Variants in ZNF638 observed in about 807,000 individuals in gnomAD.
ZNF638 encodes zinc finger protein 638.
In ZNF638, 46 loss-of-function variants were observed where a neutral mutation model predicts 195.6. The observed-to-expected ratio is 0.24, with a 90% confidence interval of 0.19 to 0.30. The LOEUF is 0.30. Among genes scored for constraint, ZNF638 ranks in the 10% least tolerant of loss-of-function variants. ZNF638 has a pLI of 1.00. For synonymous variants in ZNF638, 845 were observed against 772.0 expected (o/e 1.09, Z -1.57); for missense variants, 2,440 against 2,325.3 (o/e 1.05, Z -1.01).
At chr2:71,356,986 T>A (rs1177281829) in intron 3 of ZNF638, among the ~76,000 whole-genome samples, 3 of 152,140 alleles carry the variant, frequency 2.0e-5, no homozygotes, top group African/African-American at 7.2e-5. Context: ...TTCTTTCACA[T>A]AGCAAAATGG....
intron 1 of ZNF638, among the ~76,000 whole-genome samples, chr2:71,339,269 C>T (rs185713388): frequency 1.3e-5 from 2 of 151,972 alleles, no homozygotes; most frequent in Non-Finnish European, 2.9e-5. Context: ...TCTCCTGCCT[C>T]AGCCTCCTGA....
At chr2:71,428,421 T>C (rs1232392041) in intron 24 of ZNF638, 126 bp from the exon 25 acceptor site, 23 of 623,466 alleles carry the variant, frequency 3.7e-5, no homozygotes, top group Non-Finnish European at 5.3e-5. Flanking sequence ...AGCAGTAGGC[T>C]TCCCTCCCAA....
chr2:71,423,236 A>G lies in ZNF638; in HGVS notation c.3722A>G (p.Glu1241Gly), dbSNP rs1019623405. Residue 1241 changes from glutamate (E) to glycine (G), a missense_variant, in exon 22 of 28, where the codon GAA (glutamate) becomes GGA (glycine). Around this residue, in one of 5 missense-constraint regions of ZNF638, gnomAD observed 1,883 missense variants for 1,739.1 expected, o/e 1.08. Coordinates refer to ENST00000264447, the MANE Select transcript of ZNF638 (RefSeq NM_014497.5). ...AEERNLKGILEESPSEAEDFI... is the reference protein window; with the variant it reads ...AEERNLKGILGESPSEAEDFI... ...GAAAGGAACCTCAAAGGAATTCTAG[A>G]AGAATCTCCATCTGAAGCAGAAGAT... 1.9e-6 allele frequency: 3 copies of G among 1,614,162 alleles called. No homozygotes were observed. The highest frequency in any genetic ancestry group is 2.5e-6 in the Non-Finnish European group (3 of 1,180,004).
chr2:71,432,712 C>T (rs2080691285), intron 26 of ZNF638, among the ~76,000 whole-genome samples: 1 of 152,322 alleles, frequency 6.6e-6, no homozygotes, highest in East Asian at 1.9e-4. Flanking sequence ...ATTAAAATTA[C>T]TACTATTGAT....
intron 1 of ZNF638, among the ~76,000 whole-genome samples, chr2:71,334,295 CT>C (rs2078625401): frequency 6.6e-6 from 1 of 152,136 alleles, no homozygotes; most frequent in South Asian, 2.1e-4. Flanking sequence ...AATAAAATGC[CT>C]TATATACTTA....
At chr2:71,363,906 T>C (rs765191635) in intron 4 of ZNF638, 48 bp from the exon 5 acceptor site, 1 of 1,552,968 alleles carries the variant, frequency 6.4e-7, no homozygotes, top group Admixed American at 2.0e-5. Flanking sequence ...ATCATTTAAA[T>C]TTACATTAAA....
At chr2:71,386,270 T>G in intron 10 of ZNF638, among the ~76,000 whole-genome samples, 1 of 125,198 alleles carries the variant, frequency 8.0e-6, no homozygotes, top group South Asian at 2.5e-4. Context: ...CCCCAGCCTA[T>G]GCAACAGAGT....
At chr2:71,388,332 C>T (rs2079688557) in intron 10 of ZNF638, 2 of 493,634 alleles carry the variant, frequency 4.1e-6, no homozygotes, top group Non-Finnish European at 7.5e-6. Context: ...GATCATCCGA[C>T]CTTTGATCAT....
chr2:71,389,155 A>G (rs1180955165), intron 10 of ZNF638, among the ~76,000 whole-genome samples: 1 of 152,100 alleles, frequency 6.6e-6, no homozygotes, highest in East Asian at 1.9e-4. Context: ...TTACTGGGTA[A>G]AGATACCAAA....
At chr2:71,431,555 T>C (rs1573182105) in intron 26 of ZNF638, 127 bp downstream of exon 26, 1 of 705,774 alleles carries the variant, frequency 1.4e-6, no homozygotes, top group Non-Finnish European at 2.4e-6. Context: ...GTCAGGAGAT[T>C]GAGACCATCC....
chr2:71,365,929 G>A (rs2079190615), intron 6 of ZNF638, among the ~76,000 whole-genome samples: 1 of 152,124 alleles, frequency 6.6e-6, no homozygotes, highest in African/African-American at 2.4e-5. Context: ...ATGTTGCTCA[G>A]GCTGGTCTCG....
intron 2 of ZNF638, among the ~76,000 whole-genome samples, chr2:71,355,291 T>G (rs1164277873): frequency 6.6e-6 from 1 of 152,184 alleles, no homozygotes; most frequent in Admixed American, 6.5e-5. Flanking sequence ...AGCGTGAATT[T>G]TAGAGGTATT....
chr2:71,365,402 G>A lies in ZNF638; in HGVS notation c.1718-27G>A, dbSNP rs1005238661. The stretch of plus-strand genomic sequence containing the variant: ...CTCCTACCTTAATTTTTTTCCAATT[G>A]AAATTATATTTATATCTTTTTACTA... On this transcript the variant is annotated intron_variant, in intron 5 of 27. Transcript: ENST00000264447. 4 of 1,519,796 alleles carry A rather than the reference G, an allele frequency of 2.6e-6. No individual in the cohort carries two copies. The African/African-American group carries it at 4.3e-5, about 16-fold the overall frequency. 94.1% of individuals were successfully genotyped at this position (1,519,796 alleles called of 1,614,324 possible).
At chr2:71,331,969 A>T (rs1007315396) in intron 1 of ZNF638, 94 bp downstream of exon 1, 101 of 970,202 alleles carry the variant, frequency 1.0e-4, no homozygotes, top group Non-Finnish European at 1.2e-4. Context: ...CGGGCCGACT[A>T]TTGTATCTGT....
At chr2:71,383,274 C>T (rs1210595103) in intron 10 of ZNF638, among the ~76,000 whole-genome samples, 1 of 152,094 alleles carries the variant, frequency 6.6e-6, no homozygotes, top group East Asian at 1.9e-4. Flanking sequence ...AAGATCGTGC[C>T]ACTGCACTCC....
In ZNF638 at chr2:71,349,668, C is replaced by G; in HGVS notation, c.714C>G (p.Val238=). The part of the protein sequence containing the change: ...IYDPEIPTDE[V]ENEFQSQQNI... ...ATCCTGAAATTCCAACTGATGAGGTCGAGAATGAATTTCAGTCACAGCAGA... is the reference window on the plus strand; with the variant it reads ...ATCCTGAAATTCCAACTGATGAGGTGGAGAATGAATTTCAGTCACAGCAGA... The change falls in exon 2 of 28, where the codon GTC becomes GTG. Residue 238 remains valine, a synonymous_variant. Coordinates refer to ENST00000264447, the MANE Select transcript of ZNF638 (RefSeq NM_014497.5). 7.4e-6 allele frequency: 12 copies of G among 1,614,114 alleles called. No individual in the cohort carries two copies. The highest frequency in any genetic ancestry group is 1.0e-5 in the Non-Finnish European group (12 of 1,180,018).
intron 17 of ZNF638, among the ~76,000 whole-genome samples, chr2:71,404,377 C>T (rs1363166682): frequency 1.3e-5 from 2 of 151,916 alleles, no homozygotes; most frequent in African/African-American, 4.8e-5. Flanking sequence ...GAGCTTGTTC[C>T]CTCTTCCTCA....
At chr2:71,352,226 C>T (rs887826195) in intron 2 of ZNF638, among the ~76,000 whole-genome samples, 3 of 151,962 alleles carry the variant, frequency 2.0e-5, no homozygotes, top group Non-Finnish European at 2.9e-5. Flanking sequence ...GCCTGTAATC[C>T]CAGCACTTTG....
At chr2:71,333,775 A>G (rs2078615296) in intron 1 of ZNF638, among the ~76,000 whole-genome samples, 1 of 152,194 alleles carries the variant, frequency 6.6e-6, no homozygotes, top group Non-Finnish European at 1.5e-5. Context: ...TATCTCTAAA[A>G]TGGTGACATT....
Sources: allele counts gnomAD v4.1 joint callset (sites outside exome capture counted in the v4.1 genomes callset), GRCh38; gene constraint gnomAD v4.1.1; regional missense constraint gnomAD v4.1.1; transcripts MANE v1.5; gene names NCBI Gene and HGNC (gene_info 2026-07-23, HGNC 2026-07-21).